HHIP: variants seen among roughly 807,000 people sequenced by gnomAD.
HHIP encodes the protein hedgehog-interacting protein.
Under a neutral mutation model 74.0 loss-of-function variants are expected in HHIP, and 12 were observed. The ratio of observed to expected loss-of-function variants is 0.16; its 90% CI spans 0.10 to 0.26. The LOEUF (loss-of-function observed/expected upper bound fraction) is 0.26. Among genes scored for constraint, HHIP ranks in the 10% least tolerant of loss-of-function variants. HHIP has a pLI of 1.00. For missense variants in HHIP, 788 were observed against 845.0 expected (o/e 0.93, Z 0.84); for synonymous variants, 309 against 311.6 (o/e 0.99, Z 0.09).
rs1731278467 is a variant in HHIP, at chr4:144,742,251, G to A, written c.*4294G>A. 1 of 152,010 alleles carries A rather than the reference G, an allele frequency of 6.6e-6. No homozygotes were observed. The highest frequency in any genetic ancestry group is 2.4e-5 in the African/African-American group (1 of 41,388). 9.4% of individuals were successfully genotyped at this position (152,010 alleles called of 1,614,324 possible). A position where few individuals can be genotyped will look rare whatever the true frequency, so the allele number is the denominator to read the frequency against. On this transcript the variant is annotated 3_prime_UTR_variant, in exon 13 of 13. Coordinates refer to ENST00000296575, the MANE Select transcript of HHIP (RefSeq NM_022475.3). ...CTTTTCTTTGTTTTTCTGAAAAATA[G>A]CCTCTCTTGATTCCACATTTTCTCA...
At position 144,706,087 on chromosome 4, in the gene HHIP, T is replaced by C. The variant is rs1259543664; in HGVS notation, c.832-444T>C. On this transcript the variant is annotated intron_variant, in intron 4 of 12. Transcript: ENST00000296575. ...CAATTTAACTGTTTTCTAAACATATTGCCAAGACAGTGGGAGTTGGCAGCC... is the reference window on the plus strand; with the variant it reads ...CAATTTAACTGTTTTCTAAACATATCGCCAAGACAGTGGGAGTTGGCAGCC... Among the ~76,000 whole-genome samples, 3 of 152,242 alleles carry C rather than the reference T, an allele frequency of 2.0e-5. No homozygotes were observed. The East Asian group carries it at 5.8e-4, about 29-fold the overall frequency.
chr4:144,723,557 A>C (rs1730697745), intron 11 of HHIP, among the ~76,000 whole-genome samples: 1 of 152,190 alleles, frequency 6.6e-6, no homozygotes, highest in Non-Finnish European at 1.5e-5. Flanking sequence ...GCTTTAGCCC[A>C]ATAAGCCAGT....
chr4:144,723,264 C>T (rs983100588), intron 11 of HHIP, among the ~76,000 whole-genome samples: 2 of 152,136 alleles, frequency 1.3e-5, no homozygotes, highest in African/African-American at 4.8e-5. Context: ...AAATTCCAGG[C>T]TCGAGAGGTC....
At chr4:144,723,425 G>A (rs1320632815) in intron 11 of HHIP, among the ~76,000 whole-genome samples, 1 of 152,026 alleles carries the variant, frequency 6.6e-6, no homozygotes, top group Non-Finnish European at 1.5e-5. Flanking sequence ...GGATGCTAAA[G>A]AGTGCTTTTT....
intron 4 of HHIP, among the ~76,000 whole-genome samples, chr4:144,670,047 G>C (rs7340811): frequency 6.6e-6 from 1 of 151,516 alleles, no homozygotes; most frequent in Non-Finnish European, 1.5e-5. Context: ...GGGAGGCTGA[G>C]GCAGGAGAAT....
At chr4:144,734,919 A>G in intron 12 of HHIP, 30 bp downstream of exon 12, 1 of 1,580,350 alleles carries the variant, frequency 6.3e-7, no homozygotes, top group Middle Eastern at 1.7e-4. Context: ...CCTGAAAAGG[A>G]CTGGGGATGA....
chr4:144,730,988 T>C (rs1730939816), intron 11 of HHIP, among the ~76,000 whole-genome samples: 1 of 152,194 alleles, frequency 6.6e-6, no homozygotes. Context: ...TTCTTAGCCT[T>C]CGGTTTATTT....
intron 1 of HHIP, among the ~76,000 whole-genome samples, chr4:144,649,497 A>G (rs1183729367): frequency 1.3e-5 from 2 of 152,186 alleles, no homozygotes; most frequent in Non-Finnish European, 2.9e-5. Context: ...ATATTGTAAT[A>G]AGATTGTTAA....
Position 144,715,391 on chromosome 4 carries a change from T to A in HHIP, c.1639T>A (p.Phe547Ile). Residue 547 changes from phenylalanine (F) to isoleucine (I), a missense_variant, in exon 10 of 13, where the codon TTT becomes ATT. Around this residue, in one of 3 missense-constraint regions of HHIP, gnomAD observed 343 missense variants for 347.9 expected, o/e 0.99. Transcript: ENST00000296575. ...CACTAGTGGGTCCTGTAGAGGCTAC[T>A]TTTCCGGTCACATCTTGGGATTTGG... ...LGTSGSCRGY[F>I]SGHILGFGED... is the part of the protein sequence containing the mutation. 2 of 1,613,312 alleles carry A rather than the reference T, an allele frequency of 1.2e-6. No homozygotes were observed. The highest frequency in any genetic ancestry group is 1.7e-6 in the Non-Finnish European group (2 of 1,179,384).
At chr4:144,719,676 G>C (rs1260019430) in intron 11 of HHIP, among the ~76,000 whole-genome samples, 2 of 152,052 alleles carry the variant, frequency 1.3e-5, no homozygotes, top group African/African-American at 4.8e-5. Context: ...ATTATATGTT[G>C]TCAAAAATAC....
intron 1 of HHIP, 147 bp downstream of exon 1, chr4:144,647,101 T>G: frequency 1.6e-6 from 1 of 641,164 alleles, no homozygotes; most frequent in Non-Finnish European, 2.6e-6. Context: ...GCTAACGTGA[T>G]TCCGTTGTGT....
intron 6 of HHIP, 28 bp from the exon 7 acceptor site, chr4:144,708,140 A>G (rs1560714392): frequency 6.2e-7 from 1 of 1,611,582 alleles, no homozygotes; most frequent in Admixed American, 1.7e-5. Flanking sequence ...AAAATGTAAA[A>G]CACATACTCT....
rs143822922 is a variant in HHIP, at chr4:144,725,341, T to C, written c.1760+6385T>C. Among the ~76,000 whole-genome samples, 199 of 152,348 alleles carry C rather than the reference T, an allele frequency of 1.3e-3. 1 individual carries two copies. Among genetic ancestry groups the C allele is most frequent in the African/African-American group, 4.4e-3 (183 of 41,588 alleles). On this transcript the variant is annotated intron_variant, in intron 11 of 12. Coordinates refer to ENST00000296575, the MANE Select transcript of HHIP (RefSeq NM_022475.3). ...TTTGTCAACCGTGACAAATGAATGA[T>C]ATATGAACATCAAAATTTGGAAATT...
chr4:144,687,083 T>A (rs1729507645), intron 4 of HHIP, among the ~76,000 whole-genome samples: 1 of 152,238 alleles, frequency 6.6e-6, no homozygotes, highest in Admixed American at 6.5e-5. Context: ...TCATTCTATG[T>A]AATTATTATA....
At position 144,740,689 on chromosome 4, in the gene HHIP, G is replaced by A. The variant is rs1731242583; in HGVS notation, c.*2732G>A. On this transcript the variant is annotated 3_prime_UTR_variant, in exon 13 of 13. Transcript: ENST00000296575. ...GAGGCAGGTAGGAATTGGTTAAGAA[G>A]TATGAGCAGGAAAAAATTATTGTTT... is the stretch of plus-strand genomic sequence containing the variant. 1.3e-5 allele frequency: 2 copies of A among 152,076 alleles called. No homozygotes were observed. Among genetic ancestry groups the A allele is most frequent in the South Asian group, 2.1e-4 (1 of 4,826 alleles). The allele number at this position is 152,076 out of a possible 1,614,324, so 9.4% of individuals were successfully genotyped here. A position where few individuals can be genotyped will look rare whatever the true frequency, so the allele number is the denominator to read the frequency against.
intron 7 of HHIP, 73 bp from the exon 8 acceptor site, chr4:144,711,877 T>A (rs1008958728): frequency 1.4e-6 from 2 of 1,474,156 alleles, no homozygotes; most frequent in African/African-American, 1.4e-5. Context: ...CTCCTTCCTA[T>A]GTCAGGAATC....
intron 8 of HHIP, 120 bp from the exon 9 acceptor site, chr4:144,714,105 T>G: frequency 1.2e-6 from 1 of 819,458 alleles, no homozygotes; most frequent in Non-Finnish European, 1.9e-6. Context: ...CAAGAAACCC[T>G]TTGGTGTATC....
rs1295001777 is a variant in HHIP, at chr4:144,745,178, A to G, written c.*7221A>G. ...ACAATTTCTTTTCTTAATTTAATAT[A>G]TTTATGTAAATGCATGCCTGAAATT... is the stretch of plus-strand genomic sequence containing the variant. On this transcript the variant is annotated 3_prime_UTR_variant, in exon 13 of 13. Transcript: ENST00000296575. 1 of 152,114 alleles carries G rather than the reference A, an allele frequency of 6.6e-6. No homozygotes were observed. The highest frequency in any genetic ancestry group is 1.5e-5 in the Non-Finnish European group (1 of 68,004). The allele number at this position is 152,114 out of a possible 1,614,324, so 9.4% of individuals were successfully genotyped here.
At chr4:144,732,558 A>G (rs532974645) in intron 11 of HHIP, among the ~76,000 whole-genome samples, 1 of 152,216 alleles carries the variant, frequency 6.6e-6, no homozygotes, top group Non-Finnish European at 1.5e-5. Flanking sequence ...ATAGCCCTTC[A>G]GTATCAGATT....
Sources: allele counts gnomAD v4.1 joint callset (sites outside exome capture counted in the v4.1 genomes callset), GRCh38; gene constraint gnomAD v4.1.1; regional missense constraint gnomAD v4.1.1; transcripts MANE v1.5; gene names NCBI Gene and HGNC (gene_info 2026-07-23, HGNC 2026-07-21).